Variants in HEATR1 observed in about 807,000 individuals in gnomAD.
HEATR1 encodes HEAT repeat-containing protein 1.
In HEATR1, 77 loss-of-function variants were observed where a neutral mutation model predicts 248.2. That is an observed-to-expected ratio of 0.31 (90% confidence interval 0.26 to 0.37). The LOEUF is 0.37. Ranked by LOEUF, HEATR1 falls within the 10% of genes least tolerant of loss-of-function variation. The probability of loss-of-function intolerance (pLI) is 1.00; values close to 1 mark genes in which losing one functional copy is unlikely to be tolerated. For missense variants in HEATR1, 2,420 were observed against 2,504.9 expected (o/e 0.97, Z 0.72); for synonymous variants, 897 against 923.1 (o/e 0.97, Z 0.51).
At chr1:236,560,530 G>A (rs947538352) in intron 33 of HEATR1, among the ~76,000 whole-genome samples, 3 of 152,110 alleles carry the variant, frequency 2.0e-5, no homozygotes, top group Admixed American at 6.6e-5. Context: ...CTCCAAAAAC[G>A]AAAGTCCTAC....
Position 236,602,989 on chromosome 1 carries a change from CA to C in HEATR1, c.359+170del, listed in dbSNP as rs1171195136. On this transcript the variant is annotated intron_variant, in intron 3 of 44. Transcript: ENST00000366582. The stretch of plus-strand genomic sequence containing the variant: ...CAGTAGTTCTACTTTTCACTATCAA[CA>C]AAAAAGAATTTAAAGGCAGAAGAGC... The C allele has an allele frequency of 8.2e-5, 49 of 594,198 alleles. No homozygotes were observed. The East Asian group carries it at 1.4e-3, about 17-fold the overall frequency. The allele number at this position is 594,198 out of a possible 1,614,324, so 36.8% of individuals were successfully genotyped here. A position where few individuals can be genotyped will look rare whatever the true frequency, so the allele number is the denominator to read the frequency against.
rs186682383 is a variant in HEATR1, at chr1:236,571,334, A to G, written c.3948+17T>C. ...TATCTGAAATATCTGCTAAAATCTTATATCATTAACGCTTACCGGAAATAT... is the reference window on the plus strand; with the variant it reads ...TATCTGAAATATCTGCTAAAATCTTGTATCATTAACGCTTACCGGAAATAT... On this transcript the variant is annotated intron_variant, in intron 28 of 44. Transcript: ENST00000366582. 3.4e-5 allele frequency: 53 copies of G among 1,573,412 alleles called. 2 individuals are homozygous for G. In the East Asian group the frequency reaches 5.8e-4, roughly 17 times the overall value.
intron 42 of HEATR1, 72 bp from the exon 43 acceptor site, chr1:236,553,811 A>C: frequency 6.9e-7 from 1 of 1,451,538 alleles, no homozygotes; most frequent in Non-Finnish European, 9.4e-7. Context: ...AATATCCAAC[A>C]TACAAATATT....
rs1175182296 is a variant in HEATR1 at position 236,595,593 on chromosome 1, A to G, written c.1037T>C (p.Leu346Pro). 1 of 1,609,168 alleles carries G rather than the reference A, an allele frequency of 6.2e-7. No homozygotes were observed. ...GISETYDVSPLLHYMLPHLVV... is the reference protein window; with the variant it reads ...GISETYDVSPPLHYMLPHLVV... Reference sequence around the variant, plus strand: ...CAGATGGGGAAGCATGTAATGCAGAAGAGGACTGACATCGTAAGTTTCAGA... The same window carrying G: ...CAGATGGGGAAGCATGTAATGCAGAGGAGGACTGACATCGTAAGTTTCAGA... The change falls in exon 8 of 45, where the codon CTT (leucine) becomes CCT (proline). Residue 346 changes from leucine to proline, a missense_variant. Coordinates refer to ENST00000366582, the MANE Select transcript of HEATR1 (RefSeq NM_018072.6).
At chr1:236,601,960 T>C (rs1664337016) in intron 3 of HEATR1, among the ~76,000 whole-genome samples, 1 of 115,084 alleles carries the variant, frequency 8.7e-6, no homozygotes. Context: ...TGAAACCCCA[T>C]CTTTACTAAA....
At chr1:236,586,571 T>C in intron 14 of HEATR1, 119 bp from the exon 15 acceptor site, 1 of 652,782 alleles carries the variant, frequency 1.5e-6, no homozygotes, top group East Asian at 2.6e-5. Flanking sequence ...TGACCAAAAC[T>C]ATTATTCAGA....
In HEATR1 at chr1:236,559,733, G is replaced by A. The variant is rs1663072510; in HGVS notation, c.4751C>T (p.Ala1584Val). Residue 1584 changes from alanine to valine, a missense_variant, in exon 34 of 45, where the codon GCT becomes GTT. Transcript: ENST00000366582. ...VKFWRALLSK[A>V]YDLLDKVNAL... Reference sequence around the variant, plus strand: ...ACCTACCTTATCTAACAGGTCGTAAGCTTTACTAAGGAGCGCGCGCCAGAA... The same window carrying A: ...ACCTACCTTATCTAACAGGTCGTAAACTTTACTAAGGAGCGCGCGCCAGAA... 1 of 1,613,364 alleles carries A rather than the reference G, an allele frequency of 6.2e-7. No individual in the cohort carries two copies. Among genetic ancestry groups the A allele is most frequent in the Non-Finnish European group, 8.5e-7 (1 of 1,179,576 alleles).
intron 44 of HEATR1, chr1:236,551,241 G>A (rs1337539353): frequency 2.1e-6 from 1 of 472,018 alleles, no homozygotes; most frequent in Non-Finnish European, 3.7e-6. Context: ...ACTTCCTAGG[G>A]ATGCCACCCC....
intron 24 of HEATR1, 161 bp downstream of exon 24, chr1:236,574,041 T>G (rs1204130487): frequency 2.0e-6 from 1 of 507,704 alleles, no homozygotes; most frequent in Non-Finnish European, 3.3e-6. Flanking sequence ...ATTTAAAATT[T>G]TTATTTTATG....
At chr1:236,574,957 C>T in intron 22 of HEATR1, 54 bp from the exon 23 acceptor site, 6 of 1,551,484 alleles carry the variant, frequency 3.9e-6, no homozygotes, top group East Asian at 2.3e-5. Context: ...TATGTTTTTG[C>T]TCACTCTACA....
chr1:236,588,981 A>T (rs1254698593), intron 12 of HEATR1, among the ~76,000 whole-genome samples: 3 of 152,204 alleles, frequency 2.0e-5, no homozygotes, highest in African/African-American at 7.2e-5. Context: ...GCAGCCATAT[A>T]TCTGAACCTG....
chr1:236,565,306 G>T (rs1284333380), intron 31 of HEATR1, among the ~76,000 whole-genome samples: 1 of 152,146 alleles, frequency 6.6e-6, no homozygotes, highest in African/African-American at 2.4e-5. Context: ...CTATCAACAC[G>T]TCAACCCTTT....
chr1:236,552,465 C>T (rs577885974), intron 43 of HEATR1: 25 of 163,750 alleles, frequency 1.5e-4, no homozygotes, highest in African/African-American at 6.0e-4. Flanking sequence ...CGCCAGCCCG[C>T]CAGGCTGGCA....
At chr1:236,553,176 CAG>C (rs1483338631) in intron 43 of HEATR1, among the ~76,000 whole-genome samples, 9 of 152,182 alleles carry the variant, frequency 5.9e-5, no homozygotes, top group Admixed American at 4.6e-4. Flanking sequence ...CTATAAACAA[CAG>C]AATGTATTGC....
chr1:236,567,677 C>G (rs963804271), intron 29 of HEATR1, among the ~76,000 whole-genome samples: 1 of 151,882 alleles, frequency 6.6e-6, no homozygotes, highest in Non-Finnish European at 1.5e-5. Flanking sequence ...CCATTGCACT[C>G]TAGCCTGGGC....
chr1:236,591,972 T>C, intron 11 of HEATR1, 21 bp downstream of exon 11: 1 of 1,413,168 alleles, frequency 7.1e-7, no homozygotes, highest in African/African-American at 1.4e-5. Context: ...ATTGTCATAA[T>C]TCCTTTGGAG....
chr1:236,592,361 T>A (rs1038168328), intron 10 of HEATR1, among the ~76,000 whole-genome samples, 162 bp downstream of exon 10: 1 of 152,204 alleles, frequency 6.6e-6, no homozygotes, highest in Admixed American at 6.5e-5. Context: ...TTTCCTCTTA[T>A]ATTTCAAATA....
chr1:236,571,258 T>C (rs566462390), intron 28 of HEATR1, 93 bp downstream of exon 28: 61 of 1,426,942 alleles, frequency 4.3e-5, no homozygotes, highest in Admixed American at 1.0e-4. Flanking sequence ...CAAAGCCTAA[T>C]TGATTAAATT....
chr1:236,603,385 C>T lies in HEATR1; in HGVS notation c.143-9G>A. 5 of 1,602,950 alleles carry T rather than the reference C, an allele frequency of 3.1e-6. No homozygotes were observed. The highest frequency in any genetic ancestry group is 4.3e-6 in the Non-Finnish European group (5 of 1,174,690). The stretch of plus-strand genomic sequence containing the variant: ...TTCCAGGCCAGTACATCCTAAATTT[C>T]AAAAAAGGCCAGTTTATTTAACAAT... On this transcript the variant is annotated splice_polypyrimidine_tract_variant and intron_variant, in intron 2 of 44. Transcript: ENST00000366582.
Sources: allele counts gnomAD v4.1 joint callset (sites outside exome capture counted in the v4.1 genomes callset), GRCh38; gene constraint gnomAD v4.1.1; transcripts MANE v1.5; gene names NCBI Gene and HGNC (gene_info 2026-07-23, HGNC 2026-07-21).